Variants in SNX29 observed in about 807,000 individuals in gnomAD.
SNX29 encodes sorting nexin 29.
In SNX29, 78 loss-of-function variants were observed where a neutral mutation model predicts 102.1. That is an observed-to-expected ratio of 0.76 (90% CI 0.64 to 0.92). The LOEUF is 0.92. Ranked by LOEUF, SNX29 falls within the 40% of genes least tolerant of loss-of-function variation. SNX29 has a pLI of 0.00. For missense variants in SNX29, 1,280 were observed against 1,061.7 expected (o/e 1.21, Z -2.86); for synonymous variants, 580 against 414.5 (o/e 1.40, Z -4.85).
rs919884648 is a variant in SNX29, at chr16:12,558,713, G to A, written c.2319-9793G>A. Among the ~76,000 whole-genome samples, 31 of 151,222 alleles carry A rather than the reference G, an allele frequency of 2.0e-4. 2 individuals are homozygous for A. Among genetic ancestry groups the A allele is most frequent in the African/African-American group, 6.5e-4 (27 of 41,496 alleles). ...GAATCCACCCCCATCCCGTTTCTAC[G>A]GGGGGCTGCACAAGCCTCACCACTA... On this transcript the variant is annotated intron_variant, in intron 20 of 20. Transcript: ENST00000566228.
At position 12,016,387 on chromosome 16, in the gene SNX29, C is replaced by T. The variant is rs80098474; in HGVS notation, c.123-10933C>T. Among the ~76,000 whole-genome samples, 495 of 152,176 alleles carry T rather than the reference C, an allele frequency of 3.3e-3. 1 individual carries two copies. Among genetic ancestry groups the T allele is most frequent in the African/African-American group, 0.011 (463 of 41,496 alleles). ...GAGTCAGAGAGCAGCCTCTGGCTTTCGAAACATTTCTACCAGTAGTTCATA... is the reference window on the plus strand; with the variant it reads ...GAGTCAGAGAGCAGCCTCTGGCTTTTGAAACATTTCTACCAGTAGTTCATA... On this transcript the variant is annotated intron_variant, in intron 3 of 20. Transcript: ENST00000566228.
intron 20 of SNX29, among the ~76,000 whole-genome samples, chr16:12,562,048 C>G (rs763974050): frequency 2.0e-5 from 3 of 150,928 alleles, no homozygotes; most frequent in Admixed American, 6.6e-5. Flanking sequence ...ATGGAATCAT[C>G]TGTGCCGTTT....
chr16:12,015,690 C>T (rs1380711606), intron 3 of SNX29, among the ~76,000 whole-genome samples: 6 of 150,270 alleles, frequency 4.0e-5, no homozygotes, highest in Non-Finnish European at 8.8e-5. Flanking sequence ...CGCCCGCCAC[C>T]GTGCCCGGCT....
chr16:12,245,011 C>T (rs1453190113), intron 14 of SNX29, among the ~76,000 whole-genome samples: 2 of 152,170 alleles, frequency 1.3e-5, no homozygotes, highest in African/African-American at 4.8e-5. Flanking sequence ...GTGGTGGTAG[C>T]ATCGCTTTAA....
intron 20 of SNX29, among the ~76,000 whole-genome samples, chr16:12,563,479 G>A (rs1280136946): frequency 6.6e-6 from 1 of 152,212 alleles, no homozygotes; most frequent in Non-Finnish European, 1.5e-5. Flanking sequence ...AAAGGCTCAA[G>A]GAATAGGGCT....
chr16:12,468,887 G>A (rs1015434017), intron 18 of SNX29, among the ~76,000 whole-genome samples: 28 of 152,216 alleles, frequency 1.8e-4, no homozygotes, highest in Admixed American at 1.6e-3. Flanking sequence ...GTGTCAGCGG[G>A]GTGGGAAGGC....
At chr16:12,225,349 GT>G (rs1258100282) in intron 14 of SNX29, among the ~76,000 whole-genome samples, 1 of 152,138 alleles carries the variant, frequency 6.6e-6, no homozygotes, top group Non-Finnish European at 1.5e-5. Context: ...AGTCCCACGT[GT>G]TGTGGGAGGA....
chr16:12,037,664 G>T (rs1484858773), intron 4 of SNX29, among the ~76,000 whole-genome samples: 2 of 152,004 alleles, frequency 1.3e-5, no homozygotes, highest in Admixed American at 1.3e-4. Context: ...AGAAGAAAGG[G>T]AAAGGGACCA....
intron 14 of SNX29, among the ~76,000 whole-genome samples, chr16:12,241,603 A>G (rs1394110764): frequency 6.6e-6 from 1 of 152,130 alleles, no homozygotes; most frequent in African/African-American, 2.4e-5. Context: ...CGGGGATTAC[A>G]GGCACCTGCC....
intron 14 of SNX29, among the ~76,000 whole-genome samples, chr16:12,273,087 C>T (rs952695470): frequency 1.3e-5 from 2 of 152,118 alleles, no homozygotes; most frequent in African/African-American, 2.4e-5. Context: ...GGTGTTAATA[C>T]TTAATTCAAC....
At chr16:12,348,952 C>T (rs1467031000) in intron 15 of SNX29, among the ~76,000 whole-genome samples, 3 of 152,150 alleles carry the variant, frequency 2.0e-5, no homozygotes, top group Non-Finnish European at 4.4e-5. Flanking sequence ...CACACTGTCA[C>T]CATCGCCCCT....
At chr16:12,246,838 G>T (rs2078273390) in intron 14 of SNX29, among the ~76,000 whole-genome samples, 1 of 152,172 alleles carries the variant, frequency 6.6e-6, no homozygotes, top group African/African-American at 2.4e-5. Context: ...GGATGGATCT[G>T]GCATGGCTTT....
rs958880692 is a variant in SNX29, at chr16:12,322,703, C to T, written c.1783-33460C>T. Among the ~76,000 whole-genome samples the T allele has an allele frequency of 2.8e-4, 42 of 151,646 alleles. 1 individual carries two copies. The highest frequency in any genetic ancestry group is 5.2e-4 in the Non-Finnish European group (35 of 67,820). On this transcript the variant is annotated intron_variant, in intron 15 of 20. Coordinates refer to ENST00000566228, the MANE Select transcript of SNX29 (RefSeq NM_032167.5). ...TTAGGACGCGGTCGCTGGGGACCAC[C>T]GTCAGGACTTGGTCACTGGAGACCA... is the stretch of plus-strand genomic sequence containing the variant.
At chr16:12,411,457 A>G (rs942404689) in intron 18 of SNX29, among the ~76,000 whole-genome samples, 1 of 152,224 alleles carries the variant, frequency 6.6e-6, no homozygotes, top group Non-Finnish European at 1.5e-5. Flanking sequence ...GATGTAGGTG[A>G]AAACAGAAAG....
chr16:12,392,713 T>G (rs1043921723), intron 16 of SNX29, among the ~76,000 whole-genome samples: 1 of 152,248 alleles, frequency 6.6e-6, no homozygotes, highest in African/African-American at 2.4e-5. Flanking sequence ...TTTTTACTCC[T>G]AGCAAAGAAT....
rs71408262 is a variant in SNX29 at position 12,376,736 on chromosome 16, C to CAAAAAA, written c.1899+20474_1899+20479dup. Reference sequence around the variant, plus strand: ...TGGGCAACAAACCAAGACTCTGTCTCAAAAAAAAAAAAAAAAAAAAAAGAA... The same window carrying CAAAAAA: ...TGGGCAACAAACCAAGACTCTGTCTCAAAAAAAAAAAAAAAAAAAAAAAAAAAAGAA... On this transcript the variant is annotated intron_variant, in intron 16 of 20. Coordinates refer to ENST00000566228, the MANE Select transcript of SNX29 (RefSeq NM_032167.5). 6.0e-4 allele frequency among the ~76,000 whole-genome samples: 47 copies of CAAAAAA among 77,904 alleles called. 2 individuals are homozygous for CAAAAAA. The highest frequency in any genetic ancestry group is 1.3e-3 in the African/African-American group (25 of 19,038). The allele number at this position is 77,904 out of a possible 152,430, so 51.1% of individuals were successfully genotyped here.
chr16:12,481,917 A>G (rs1223646099), intron 19 of SNX29, among the ~76,000 whole-genome samples: 1 of 152,170 alleles, frequency 6.6e-6, no homozygotes. Flanking sequence ...CCTGAAATCC[A>G]CCTTGGCTGC....
intron 15 of SNX29, among the ~76,000 whole-genome samples, chr16:12,335,992 ACAGT>A (rs1299372801): frequency 6.6e-6 from 1 of 152,174 alleles, no homozygotes; most frequent in Non-Finnish European, 1.5e-5. Context: ...ATCCGGGAAG[ACAGT>A]CTGTCTGGGT....
At position 12,573,535 on chromosome 16, in the gene SNX29, CGTAA is replaced by C. The variant is rs1327942527; in HGVS notation, c.*4909_*4912del. 2.7e-5 allele frequency: 6 copies of C among 224,646 alleles called. No homozygotes were observed. Among genetic ancestry groups the C allele is most frequent in the Non-Finnish European group, 4.4e-5 (5 of 112,714 alleles). 13.9% of individuals were successfully genotyped at this position (224,646 alleles called of 1,614,324 possible). On this transcript the variant is annotated 3_prime_UTR_variant, in exon 21 of 21. Coordinates refer to ENST00000566228, the MANE Select transcript of SNX29 (RefSeq NM_032167.5). The stretch of plus-strand genomic sequence containing the variant: ...CCCAGGGATTTAGTTCTTACTGGTG[CGTAA>C]GTGTTTTCCCATCCTAACCGGAAAA...
Sources: gnomAD v4.1 joint callset for allele counts (sites outside exome capture counted in the v4.1 genomes callset) on GRCh38, gnomAD v4.1.1 for gene constraint, MANE v1.5 for transcripts, NCBI Gene and HGNC (gene_info 2026-07-23, HGNC 2026-07-21) for gene names.